ZPBP: variants seen among roughly 807,000 people sequenced by gnomAD.
ZPBP encodes zona pellucida binding protein.
ZPBP carries 26 observed loss-of-function variants against 44.8 expected under a neutral mutation model. The observed-to-expected ratio is 0.58, with a 90% CI of 0.43 to 0.81. The LOEUF is 0.81. ZPBP is among the 30% of genes least tolerant of loss of function. ZPBP has a pLI of 0.00. For missense variants in ZPBP, 409 were observed against 434.0 expected (o/e 0.94, Z 0.51); for synonymous variants, 174 against 153.2 (o/e 1.14, Z -1.00).
intron 2 of ZPBP, among the ~76,000 whole-genome samples, chr7:49,894,019 C>T (rs1324883153): frequency 1.3e-5 from 2 of 152,126 alleles, no homozygotes; most frequent in Non-Finnish European, 2.9e-5. Flanking sequence ...TCTGGTGTGA[C>T]GAACCATTCC....
At chr7:49,965,746 G>A (rs1256430190) in intron 7 of ZPBP, among the ~76,000 whole-genome samples, 1 of 152,036 alleles carries the variant, frequency 6.6e-6, no homozygotes, top group East Asian at 1.9e-4. Context: ...CAAAGGTCAG[G>A]AGTGGAGAAA....
At chr7:49,986,233 C>T (rs1797272600) in intron 6 of ZPBP, among the ~76,000 whole-genome samples, 1 of 152,180 alleles carries the variant, frequency 6.6e-6, no homozygotes, top group African/African-American at 2.4e-5. Context: ...ACTGTATCCC[C>T]CACCCTCCGT....
chr7:50,007,721 C>T (rs1009083012), intron 6 of ZPBP, among the ~76,000 whole-genome samples: 3 of 151,802 alleles, frequency 2.0e-5, no homozygotes. Context: ...GATGTTTCAA[C>T]ATACAAAAAT....
downstream of ZPBP, among the ~76,000 whole-genome samples, chr7:49,933,500 C>T (rs1794519831): frequency 6.6e-6 from 1 of 152,164 alleles, no homozygotes; most frequent in South Asian, 2.1e-4. Flanking sequence ...GTGGAGATTC[C>T]TCAGGGATCT....
chr7:50,014,863 A>G (rs1048113871), intron 6 of ZPBP, among the ~76,000 whole-genome samples: 3 of 152,128 alleles, frequency 2.0e-5, no homozygotes, highest in Non-Finnish European at 2.9e-5. Context: ...TCTGGAGACA[A>G]TTTCAGTTAC....
chr7:49,983,835 AAATGT>A (rs1163306235), intron 6 of ZPBP, among the ~76,000 whole-genome samples: 2 of 152,104 alleles, frequency 1.3e-5, no homozygotes, highest in Admixed American at 6.5e-5. Flanking sequence ...ATTGATTAAG[AAATGT>A]AATGTACTTT....
chr7:49,899,179 G>A (rs1005175814), intron 2 of ZPBP, among the ~76,000 whole-genome samples: 3 of 151,930 alleles, frequency 2.0e-5, no homozygotes, highest in African/African-American at 7.2e-5. Flanking sequence ...ACCTTAGATA[G>A]TATTGAACCC....
the ZPBP span, among the ~76,000 whole-genome samples, chr7:49,843,691 G>C: frequency 6.6e-6 from 1 of 152,206 alleles, no homozygotes; most frequent in African/African-American, 2.4e-5. Context: ...TTGGGGAGCA[G>C]CAACAGCTGA....
chr7:49,968,115 C>A (rs1796136617), intron 7 of ZPBP, among the ~76,000 whole-genome samples: 1 of 151,728 alleles, frequency 6.6e-6, no homozygotes, highest in Non-Finnish European at 1.5e-5. Context: ...TTGGGAAAAT[C>A]ACCAAATGTT....
chr7:49,989,824 T>C (rs1797479833), intron 6 of ZPBP, among the ~76,000 whole-genome samples: 1 of 152,154 alleles, frequency 6.6e-6, no homozygotes, highest in Non-Finnish European at 1.5e-5. Context: ...TAGGAATAAA[T>C]AGGGTGCCCA....
chr7:50,085,757 A>G (rs1306426312), intron 2 of ZPBP, among the ~76,000 whole-genome samples: 1 of 152,104 alleles, frequency 6.6e-6, no homozygotes. Flanking sequence ...ACAATTGGGG[A>G]AAACAATAGG....
At chr7:49,925,037 C>A (rs1039772662) in intron 1 of ZPBP, among the ~76,000 whole-genome samples, 1 of 152,218 alleles carries the variant, frequency 6.6e-6, no homozygotes, top group Non-Finnish European at 1.5e-5. Context: ...ATGGGCCCAG[C>A]AGGAGCTGGC....
At chr7:50,029,419 T>C (rs1309527289) in intron 5 of ZPBP, among the ~76,000 whole-genome samples, 1 of 152,136 alleles carries the variant, frequency 6.6e-6, no homozygotes, top group Admixed American at 6.5e-5. Context: ...TGGCAACATA[T>C]TCTTAGAAAT....
chr7:49,941,622 G>T (rs1794887970), intron 7 of ZPBP, among the ~76,000 whole-genome samples: 1 of 151,940 alleles, frequency 6.6e-6, no homozygotes, highest in South Asian at 2.1e-4. Flanking sequence ...ACCAAAAATT[G>T]TTGAAAAAAA....
At chr7:49,972,368 A>C (rs1346625140) in intron 7 of ZPBP, among the ~76,000 whole-genome samples, 1 of 152,088 alleles carries the variant, frequency 6.6e-6, no homozygotes, top group African/African-American at 2.4e-5. Context: ...AAAATCTTTT[A>C]TATCTAATAC....
intron 1 of ZPBP, among the ~76,000 whole-genome samples, chr7:49,903,613 C>T (rs1792900246): frequency 6.6e-6 from 1 of 152,142 alleles, no homozygotes; most frequent in African/African-American, 2.4e-5. Context: ...TGCAGTGTGA[C>T]TATATAGGGT....
intron 3 of ZPBP, among the ~76,000 whole-genome samples, chr7:50,080,754 T>C (rs774566209): frequency 4.3e-4 from 66 of 151,832 alleles, no homozygotes; most frequent in Non-Finnish European, 2.7e-4. Flanking sequence ...TCTCTGATTA[T>C]ATAAGCTGCA....
chr7:50,092,305 A>T (rs942933783), intron 1 of ZPBP, among the ~76,000 whole-genome samples: 1 of 152,098 alleles, frequency 6.6e-6, no homozygotes, highest in Non-Finnish European at 1.5e-5. Flanking sequence ...TGATTTTTAA[A>T]TCTCTATTCA....
At chr7:49,859,661 G>A (rs1347559908) in intron 2 of ZPBP, among the ~76,000 whole-genome samples, 1 of 152,230 alleles carries the variant, frequency 6.6e-6, no homozygotes, top group Non-Finnish European at 1.5e-5. Context: ...GCTCTCTAAA[G>A]TGCTATAGAT....
Sources: gnomAD v4.1 joint callset for allele counts (sites outside exome capture counted in the v4.1 genomes callset) on GRCh38, gnomAD v4.1.1 for gene constraint, MANE v1.5 for transcripts, NCBI Gene and HGNC (gene_info 2026-07-23, HGNC 2026-07-21) for gene names.